USP42: variants seen among roughly 807,000 people sequenced by gnomAD.
USP42 encodes ubiquitin carboxyl-terminal hydrolase 42.
USP42 carries 23 observed loss-of-function variants against 113.0 expected under a neutral mutation model. That is an observed-to-expected ratio of 0.20 (90% CI 0.15 to 0.29). The LOEUF (loss-of-function observed/expected upper bound fraction) is 0.29. Ranked by LOEUF, USP42 falls within the 10% of genes least tolerant of loss-of-function variation. The pLI is 1.00. For synonymous variants in USP42, 933 were observed against 699.0 expected, an observed-to-expected ratio of 1.33 and a Z score of -5.28; for missense variants, 2,174 against 1,779.8, an observed-to-expected ratio of 1.22 and a Z score of -3.99.
intron 11 of USP42, among the ~76,000 whole-genome samples, chr7:6,146,497 C>T (rs756076675): frequency 1.3e-5 from 2 of 152,066 alleles, no homozygotes; most frequent in African/African-American, 2.4e-5. Flanking sequence ...GACCACATGT[C>T]TACAAAATAC....
intron 3 of USP42, among the ~76,000 whole-genome samples, chr7:6,124,833 A>C (rs543022243): frequency 6.6e-6 from 1 of 151,256 alleles, no homozygotes; most frequent in South Asian, 2.1e-4. Flanking sequence ...ATTTTTTTTC[A>C]TGGTGGTTAC....
intron 9 of USP42, among the ~76,000 whole-genome samples, 190 bp downstream of exon 9, chr7:6,144,386 C>T (rs548093351): frequency 6.6e-6 from 1 of 152,320 alleles, no homozygotes; most frequent in East Asian, 1.9e-4. Flanking sequence ...CCTGTATAAT[C>T]TGAAATCCAA....
chr7:6,148,132 G>A (rs190453054), intron 12 of USP42, among the ~76,000 whole-genome samples: 2 of 152,286 alleles, frequency 1.3e-5, no homozygotes, highest in Admixed American at 1.3e-4. Context: ...GAGCTCAGTT[G>A]TTTGAGACCA....
chr7:6,113,863 C>T (rs574079482), intron 2 of USP42, among the ~76,000 whole-genome samples: 64 of 151,756 alleles, frequency 4.2e-4, no homozygotes, highest in Non-Finnish European at 8.3e-4. Context: ...CCTTGTGATC[C>T]GCCCGCCTCG....
At position 6,125,144 on chromosome 7, in the gene USP42, G is replaced by A. The variant is rs1438404358; in HGVS notation, c.442+9621G>A. Among the ~76,000 whole-genome samples the A allele has an allele frequency of 2.1e-5, 3 of 141,388 alleles. No individual in the cohort carries two copies. The Admixed American group carries it at 2.3e-4, about 11-fold the overall frequency. 92.8% of individuals were successfully genotyped at this position (141,388 alleles called of 152,430 possible). A position where few individuals can be genotyped will look rare whatever the true frequency, so the allele number is the denominator to read the frequency against. Reference sequence around the variant, plus strand: ...TTCAGTGAGCCGAGATTGCACCACTGCACTCCAGCCTGGGCAACAGAGCGA... The same window carrying A: ...TTCAGTGAGCCGAGATTGCACCACTACACTCCAGCCTGGGCAACAGAGCGA... On this transcript the variant is annotated intron_variant, in intron 3 of 17. Coordinates refer to ENST00000306177, the MANE Select transcript of USP42 (RefSeq NM_032172.3).
intron 3 of USP42, among the ~76,000 whole-genome samples, chr7:6,119,431 G>C (rs1357742483): frequency 6.6e-6 from 1 of 152,160 alleles, no homozygotes; most frequent in Non-Finnish European, 1.5e-5. Flanking sequence ...TTATTGTGCA[G>C]GTACGCTGCA....
In USP42 at chr7:6,153,982, G is replaced by T; in HGVS notation, c.2428G>T (p.Val810Leu). ...TCCGCCCAGCGCCGGCGAGGACATC[G>T]TGGGGGACACAGCACCCCCTGACCT... Reference protein sequence around the residue: ...EPPPSAGEDIVGDTAPPDLCD... With the variant: ...EPPPSAGEDILGDTAPPDLCD... Residue 810 changes from valine (V) to leucine (L), a missense_variant, in exon 15 of 18, where the codon GTG (valine) becomes TTG (leucine). Val to Leu is a conservative substitution (Grantham distance 32). Transcript: ENST00000306177. 1 of 1,597,852 alleles carries T rather than the reference G, an allele frequency of 6.3e-7. No individual in the cohort carries two copies. Among genetic ancestry groups the T allele is most frequent in the Non-Finnish European group, 8.5e-7 (1 of 1,174,986 alleles).
At chr7:6,120,734 C>T (rs1227253034) in intron 3 of USP42, among the ~76,000 whole-genome samples, 1 of 151,936 alleles carries the variant, frequency 6.6e-6, no homozygotes, top group Non-Finnish European at 1.5e-5. Context: ...CAGGTGCCCA[C>T]CATCATGCCC....
chr7:6,139,018 G>A lies in USP42; in HGVS notation c.554-74G>A, dbSNP rs2128503354. On this transcript the variant is annotated intron_variant, in intron 4 of 17. Coordinates refer to ENST00000306177, the MANE Select transcript of USP42 (RefSeq NM_032172.3). The surrounding 1 kb of genome is among the most constrained non-coding windows in gnomAD (Gnocchi z 4.5). ...TTTTCCAACCAACATATTATTATAAGATATATTTTGGGGGGTACAACTTAG... is the reference window on the plus strand; with the variant it reads ...TTTTCCAACCAACATATTATTATAAAATATATTTTGGGGGGTACAACTTAG... The A allele has an allele frequency of 1.1e-6, 1 of 905,068 alleles. No homozygotes were observed. The highest frequency in any genetic ancestry group is 1.7e-6 in the Non-Finnish European group (1 of 596,894). The allele number at this position is 905,068 out of a possible 1,614,324, so 56.1% of individuals were successfully genotyped here. A position where few individuals can be genotyped will look rare whatever the true frequency, so the allele number is the denominator to read the frequency against.
In USP42 at chr7:6,154,898, G is replaced by C. The variant is rs1583692817; in HGVS notation, c.3344G>C (p.Ser1115Thr). Residue 1115 changes from serine to threonine, a missense_variant, in exon 15 of 18, where the codon AGC (serine) becomes ACC (threonine). Ser to Thr is a moderately conservative substitution (Grantham distance 58, BLOSUM62 1). Coordinates refer to ENST00000306177, the MANE Select transcript of USP42 (RefSeq NM_032172.3). ...CGGGAGAGGGAGCGGCACCGCCCCA[G>C]CAGCCCCCGCGCAGGCGCGCCCCAC... Reference protein sequence around the residue: ...PARERERHRPSSPRAGAPHAL... With the variant: ...PARERERHRPTSPRAGAPHAL... 1 of 1,542,220 alleles carries C rather than the reference G, an allele frequency of 6.5e-7. No homozygotes were observed. Among genetic ancestry groups the C allele is most frequent in the African/African-American group, 1.4e-5 (1 of 72,744 alleles).
rs1782641317 is a variant in USP42, at chr7:6,159,370, A to T, written c.3944-80A>T. 3 of 1,595,076 alleles carry T rather than the reference A, an allele frequency of 1.9e-6. No homozygotes were observed. Among genetic ancestry groups the T allele is most frequent in the Non-Finnish European group, 1.7e-6 (2 of 1,165,688 alleles). On this transcript the variant is annotated intron_variant, in intron 16 of 17. Transcript: ENST00000306177. The surrounding 1 kb of genome is among the most constrained non-coding windows in gnomAD (Gnocchi z 4.1). Reference sequence around the variant, plus strand: ...AACCGCAGTGACTCTGACCATAGCCACTTAACGCACACACACAGCAGAGGC... The same window carrying T: ...AACCGCAGTGACTCTGACCATAGCCTCTTAACGCACACACACAGCAGAGGC...
upstream of USP42, among the ~76,000 whole-genome samples, chr7:6,103,955 G>A (rs986446787): frequency 2.6e-5 from 4 of 151,156 alleles, no homozygotes; most frequent in African/African-American, 9.9e-5. Context: ...GTGGTAGCGC[G>A]CGTCCGTAGC....
In USP42 at chr7:6,154,668, C is replaced by G; in HGVS notation, c.3114C>G (p.Thr1038=). The change falls in exon 15 of 18, where the codon ACC becomes ACG. Residue 1038 remains threonine, a synonymous_variant. Coordinates refer to ENST00000306177, the MANE Select transcript of USP42 (RefSeq NM_032172.3). ...VELDWVRHHY[T]EGERGWGREK... ...TGGACTGGGTCAGACACCACTACAC[C>G]GAGGGCGAGCGTGGCTGGGGCCGGG... The G allele has an allele frequency of 1.2e-6, 2 of 1,605,694 alleles. No individual in the cohort carries two copies. Among genetic ancestry groups the G allele is most frequent in the Non-Finnish European group, 1.7e-6 (2 of 1,176,972 alleles).
chr7:6,105,752 C>G (rs1036063671), intron 1 of USP42, among the ~76,000 whole-genome samples: 3 of 152,212 alleles, frequency 2.0e-5, no homozygotes, highest in Admixed American at 6.5e-5. Flanking sequence ...GCCAGCTTAC[C>G]TGGAACGGGG....
intron 3 of USP42, 61 bp from the exon 4 acceptor site, chr7:6,135,780 G>A (rs1781108230): frequency 1.1e-6 from 1 of 938,348 alleles, no homozygotes. Flanking sequence ...TTTGTAATTA[G>A]CCTTGATGTG....
Position 6,149,787 on chromosome 7 carries a change from C to T in USP42, c.1591C>T (p.Pro531Ser). The T allele has an allele frequency of 1.2e-6, 2 of 1,614,052 alleles. No homozygotes were observed. Among genetic ancestry groups the T allele is most frequent in the Non-Finnish European group, 8.5e-7 (1 of 1,179,912 alleles). The stretch of plus-strand genomic sequence containing the variant: ...TACAATCAGTATTCACAACAAGTTG[C>T]CTGTTCGCCAGTGTCAGTCTCAACC... ...KITISIHNKL[P>S]VRQCQSQPNL... The change falls in exon 13 of 18, where the codon CCT becomes TCT. Residue 531 changes from proline to serine, a missense_variant. Transcript: ENST00000306177.
intron 4 of USP42, among the ~76,000 whole-genome samples, chr7:6,137,837 C>T (rs1055273125): frequency 6.6e-6 from 1 of 151,914 alleles, no homozygotes; most frequent in Non-Finnish European, 1.5e-5. Flanking sequence ...CTTGCCACTA[C>T]CCCTGGCTAA....
At position 6,142,924 on chromosome 7, in the gene USP42, C is replaced by G. The variant is rs1199920006; in HGVS notation, c.796-8C>G. ...GTGATGTGGTGTTTGTGCCTCTTCTCTTCCCAGGCTGCTCAGAGTGTCAAC... is the reference window on the plus strand; with the variant it reads ...GTGATGTGGTGTTTGTGCCTCTTCTGTTCCCAGGCTGCTCAGAGTGTCAAC... On this transcript the variant is annotated splice_region_variant and splice_polypyrimidine_tract_variant and intron_variant, in intron 7 of 17. Transcript: ENST00000306177. 6.2e-7 allele frequency: 1 copy of G among 1,613,860 alleles called. No homozygotes were observed. The highest frequency in any genetic ancestry group is 8.5e-7 in the Non-Finnish European group (1 of 1,179,800).
rs10242304 is a variant in USP42, at chr7:6,152,867, C to G, written c.2202-889C>G. On this transcript the variant is annotated intron_variant, in intron 14 of 17. Transcript: ENST00000306177. Reference sequence around the variant, plus strand: ...CTGCTGGCTGTGTTTGGAGGTGGCCCCTCTACCTTTGAGGGTCCAAGAGAA... The same window carrying G: ...CTGCTGGCTGTGTTTGGAGGTGGCCGCTCTACCTTTGAGGGTCCAAGAGAA... The G allele has an allele frequency of 9.6e-3, 8,916 of 925,772 alleles. 637 individuals carry two copies. In the African/African-American group the frequency reaches 0.15, roughly 15 times the overall value. The allele number at this position is 925,772 out of a possible 1,614,324, so 57.3% of individuals were successfully genotyped here.
Sources: gnomAD v4.1 joint callset for allele counts (sites outside exome capture counted in the v4.1 genomes callset) on GRCh38, gnomAD v4.1.1 for gene constraint, Gnocchi (gnomAD v3.1) non-coding constraint, MANE v1.5 for transcripts, NCBI Gene and HGNC (gene_info 2026-07-23, HGNC 2026-07-21) for gene names.